ADAMTS2: variants seen among roughly 807,000 people sequenced by gnomAD.
ADAMTS2 encodes the protein ADAM metallopeptidase with thrombospondin type 1 motif 2.
In ADAMTS2, 50 loss-of-function variants were observed where a neutral mutation model predicts 123.0. That is an observed-to-expected ratio of 0.41 (90% CI 0.32 to 0.51). The LOEUF (loss-of-function observed/expected upper bound fraction) is 0.51. Ranked by LOEUF, ADAMTS2 falls within the 20% of genes least tolerant of loss-of-function variation. The pLI is 0.35. For synonymous variants in ADAMTS2, 678 were observed against 695.4 expected (o/e 0.98, Z 0.39); for missense variants, 1,494 against 1,705.2 (o/e 0.88, Z 2.18).
In ADAMTS2 at chr5:179,129,947, G is replaced by A; in HGVS notation, c.2442C>T (p.Gly814=). The A allele has an allele frequency of 6.2e-7, 1 of 1,613,918 alleles. No homozygotes were observed. Among genetic ancestry groups the A allele is most frequent in the Non-Finnish European group, 8.5e-7 (1 of 1,180,024 alleles). ...TTGGACTCACCAGAACGGTGATGGTGCCGTGGAGGGGGCCCATGGTCTGCA... is the reference window on the plus strand; with the variant it reads ...TTGGACTCACCAGAACGGTGATGGTACCGTGGAGGGGGCCCATGGTCTGCA... ...ETLQTMGPLH[G]TITVLVIPVG... The change falls in exon 16 of 22, where the codon GGC becomes GGT. Residue 814 remains glycine, a synonymous_variant. Coordinates refer to ENST00000251582, the MANE Select transcript of ADAMTS2 (RefSeq NM_014244.5). The surrounding 1 kb of genome is among the most constrained non-coding windows in gnomAD (Gnocchi z 4.1).
intron 3 of ADAMTS2, among the ~76,000 whole-genome samples, chr5:179,257,454 G>A (rs1474447508): frequency 1.3e-5 from 2 of 152,124 alleles, no homozygotes; most frequent in Non-Finnish European, 2.9e-5. Context: ...GGGTCTGTCC[G>A]CCCAGCCCGG....
intron 2 of ADAMTS2, among the ~76,000 whole-genome samples, chr5:179,280,651 C>T (rs142417049): frequency 2.6e-5 from 4 of 152,108 alleles, no homozygotes; most frequent in Non-Finnish European, 4.4e-5. Context: ...TGTCCCTGGG[C>T]GCACCCCCAG....
intron 2 of ADAMTS2, among the ~76,000 whole-genome samples, chr5:179,342,811 T>C (rs1055974345): frequency 6.6e-6 from 1 of 152,194 alleles, no homozygotes; most frequent in Non-Finnish European, 1.5e-5. Flanking sequence ...GCACCGCCAA[T>C]GTCAGCCTCC....
At position 179,114,180 on chromosome 5, in the gene ADAMTS2, G is replaced by A. The variant is rs748162738; in HGVS notation, c.3323C>T (p.Pro1108Leu). The part of the protein sequence containing the change: ...NLTNVEGRIE[P>L]PPGKHNDIDV... ...AATGTCGTTGTGCTTCCCAGGCGGTGGCTCTATCCTGCCCTCCACGTTGGT... is the reference window on the plus strand; with the variant it reads ...AATGTCGTTGTGCTTCCCAGGCGGTAGCTCTATCCTGCCCTCCACGTTGGT... Residue 1108 changes from proline to leucine, a missense_variant, in exon 22 of 22, where the codon CCA becomes CTA. Coordinates refer to ENST00000251582, the MANE Select transcript of ADAMTS2 (RefSeq NM_014244.5). 6 of 1,611,994 alleles carry A rather than the reference G, an allele frequency of 3.7e-6. No homozygotes were observed. Among genetic ancestry groups the A allele is most frequent in the Non-Finnish European group, 5.1e-6 (6 of 1,178,370 alleles).
chr5:179,189,510 GTT>G lies in ADAMTS2; in HGVS notation c.892-8357_892-8356del, dbSNP rs146295427. Among the ~76,000 whole-genome samples the G allele has an allele frequency of 0.023, 1,829 of 78,900 alleles. 310 individuals are homozygous for G. The highest frequency in any genetic ancestry group is 0.077 in the African/African-American group (1,714 of 22,340). 51.8% of individuals were successfully genotyped at this position (78,900 alleles called of 152,430 possible). ...CTACAGGCGCCCGCCAGTGCGCCTGGTTTTTTTTTTTTTTTTTTTTTTTTTTT... is the reference window on the plus strand; with the variant it reads ...CTACAGGCGCCCGCCAGTGCGCCTGGTTTTTTTTTTTTTTTTTTTTTTTTT... On this transcript the variant is annotated intron_variant, in intron 4 of 21. Transcript: ENST00000251582. This position sits in a 1 kb window ranked among gnomAD's most constrained non-coding sequence, Gnocchi z 4.2.
chr5:179,134,414 G>C (rs968660998), intron 13 of ADAMTS2, among the ~76,000 whole-genome samples: 1 of 152,082 alleles, frequency 6.6e-6, no homozygotes, highest in Non-Finnish European at 1.5e-5. Flanking sequence ...CTCATCCCAG[G>C]GTTGGGTACC....
chr5:179,200,634 G>C (rs1035870771), intron 4 of ADAMTS2, among the ~76,000 whole-genome samples: 3 of 152,178 alleles, frequency 2.0e-5, no homozygotes, highest in Non-Finnish European at 4.4e-5. Flanking sequence ...TGAGGAACTG[G>C]AGCTTGGGAA....
chr5:179,113,323 TGG>T lies in ADAMTS2; in HGVS notation c.*542_*543del. The T allele has an allele frequency of 6.0e-6, 1 of 167,826 alleles. No individual in the cohort carries two copies. The highest frequency in any genetic ancestry group is 1.5e-4 in the South Asian group (1 of 6,784). The allele number at this position is 167,826 out of a possible 1,614,324, so 10.4% of individuals were successfully genotyped here. ...GTGGGTGTGGCTGTCAGGGCGGCCA[TGG>T]TCCCCAGCGGGCCACTACGCTCACC... On this transcript the variant is annotated 3_prime_UTR_variant, in exon 22 of 22. Coordinates refer to ENST00000251582, the MANE Select transcript of ADAMTS2 (RefSeq NM_014244.5).
intron 3 of ADAMTS2, among the ~76,000 whole-genome samples, chr5:179,270,539 A>G (rs1766502215): frequency 6.6e-6 from 1 of 151,782 alleles, no homozygotes; most frequent in South Asian, 2.1e-4. Context: ...ATACACACAC[A>G]CCCGCACCCA....
At position 179,208,284 on chromosome 5, in the gene ADAMTS2, G is replaced by A. The variant is rs967702872; in HGVS notation, c.689-569C>T. ...GGGAAACCGAGGCCCATCCTGGGCT[G>A]TGCATGTTCCCCAGTGTCTCCTTGG... is the stretch of plus-strand genomic sequence containing the variant. On this transcript the variant is annotated intron_variant, in intron 3 of 21. Coordinates refer to ENST00000251582, the MANE Select transcript of ADAMTS2 (RefSeq NM_014244.5). Among the ~76,000 whole-genome samples the A allele has an allele frequency of 3.3e-5, 5 of 151,926 alleles. 1 individual carries two copies. The highest frequency in any genetic ancestry group is 1.3e-4 in the Admixed American group (2 of 15,266).
At chr5:179,209,386 G>A (rs760835315) in intron 3 of ADAMTS2, among the ~76,000 whole-genome samples, 13 of 152,184 alleles carry the variant, frequency 8.5e-5, no homozygotes, top group African/African-American at 1.2e-4. Flanking sequence ...GGTGCGAGGC[G>A]GAGGGTGAGG....
At chr5:179,135,513 G>A (rs559355665) in intron 13 of ADAMTS2, among the ~76,000 whole-genome samples, 20 of 152,372 alleles carry the variant, frequency 1.3e-4, no homozygotes, top group African/African-American at 4.6e-4. Context: ...TGGCCACCCA[G>A]ATCCAGCAAG....
chr5:179,144,797 A>G (rs960912856), intron 10 of ADAMTS2, among the ~76,000 whole-genome samples: 1 of 152,264 alleles, frequency 6.6e-6, no homozygotes, highest in African/African-American at 2.4e-5. Context: ...AGAATAAAAC[A>G]TAGGAGTAAA....
rs927074311 is a variant in ADAMTS2, at chr5:179,307,686, T to A, written c.535-34622A>T. The stretch of plus-strand genomic sequence containing the variant: ...TTCACTCAAGTGCCAGCCGTGGAGA[T>A]CTCCTCTGTGTCCTTGGCACACTTC... On this transcript the variant is annotated intron_variant, in intron 2 of 21. Coordinates refer to ENST00000251582, the MANE Select transcript of ADAMTS2 (RefSeq NM_014244.5). The surrounding 1 kb of genome is among the most constrained non-coding windows in gnomAD (Gnocchi z 5.6). Among the ~76,000 whole-genome samples the A allele has an allele frequency of 6.6e-6, 1 of 152,042 alleles. No individual in the cohort carries two copies. The highest frequency in any genetic ancestry group is 2.4e-5 in the African/African-American group (1 of 41,398).
At chr5:179,184,585 T>C (rs568223528) in intron 4 of ADAMTS2, among the ~76,000 whole-genome samples, 21 of 151,620 alleles carry the variant, frequency 1.4e-4, no homozygotes, top group Admixed American at 1.3e-3. Flanking sequence ...GTGTAAATGT[T>C]GACCTCACCG....
chr5:179,329,150 AC>A (rs975511321), intron 2 of ADAMTS2, among the ~76,000 whole-genome samples: 2 of 152,058 alleles, frequency 1.3e-5, no homozygotes, highest in African/African-American at 4.8e-5. Context: ...ACACGGTGAA[AC>A]CCCGTCTCTA....
intron 2 of ADAMTS2, among the ~76,000 whole-genome samples, chr5:179,313,976 T>A (rs112367287): frequency 1.1e-3 from 60 of 53,508 alleles, no homozygotes; most frequent in Middle Eastern, 7.5e-3. Context: ...ACACACACAC[T>A]CACACCGAGA....
rs754784911 is a variant in ADAMTS2, at chr5:179,154,747, G to A, written c.1238+67C>T. ...GTCCCTCTTAAGGCACAGAGGAGAA[G>A]TGGGCAGCCAGGGCTGGGGATCCTA... is the stretch of plus-strand genomic sequence containing the variant. On this transcript the variant is annotated intron_variant, in intron 7 of 21. Transcript: ENST00000251582. 1.0e-4 allele frequency: 138 copies of A among 1,331,016 alleles called. 1 individual carries two copies. The highest frequency in any genetic ancestry group is 1.4e-4 in the Non-Finnish European group (133 of 945,968). 82.5% of individuals were successfully genotyped at this position (1,331,016 alleles called of 1,614,324 possible).
intron 7 of ADAMTS2, 68 bp from the exon 8 acceptor site, chr5:179,154,260 A>T (rs1348655570): frequency 6.5e-7 from 1 of 1,532,278 alleles, no homozygotes; most frequent in Non-Finnish European, 8.7e-7. Flanking sequence ...CCCCACCCCG[A>T]TGATAGGAGG....
Sources: gnomAD v4.1 joint callset for allele counts (sites outside exome capture counted in the v4.1 genomes callset) on GRCh38, gnomAD v4.1.1 for gene constraint, Gnocchi (gnomAD v3.1) non-coding constraint, MANE v1.5 for transcripts, NCBI Gene and HGNC (gene_info 2026-07-23, HGNC 2026-07-21) for gene names.